The following SPTB variants were observed in gnomAD, a reference collection of about 807,000 sequenced individuals.
SPTB encodes the protein spectrin beta chain, erythrocytic.
A neutral mutation model predicts 256.2 loss-of-function variants in SPTB; 45 were observed. The observed-to-expected ratio is 0.18, with a 90% CI of 0.14 to 0.23. SPTB has a LOEUF of 0.23. SPTB is among the 10% of genes least tolerant of loss of function. The probability of loss-of-function intolerance (pLI) is 1.00; values close to 1 mark genes in which losing one functional copy is unlikely to be tolerated. For synonymous variants in SPTB, 1,231 were observed against 1,243.1 expected (o/e 0.99, Z 0.21); for missense variants, 2,715 against 3,040.4 (o/e 0.89, Z 2.52).
Position 64,785,655 on chromosome 14 carries a change from C to A in SPTB, c.3765-28G>T. On this transcript the variant is annotated intron_variant, in intron 17 of 35. Transcript: ENST00000644917. The surrounding 1 kb of genome is among the most constrained non-coding windows in gnomAD (Gnocchi z 4.4). ...GGAAAGGAAGCCAAAAGCACAGTCA[C>A]AATAGTGCCGAGCTTGGGGTCCTCA... 1 of 1,613,754 alleles carries A rather than the reference C, an allele frequency of 6.2e-7. No individual in the cohort carries two copies. The highest frequency in any genetic ancestry group is 8.5e-7 in the Non-Finnish European group (1 of 1,179,680).
In SPTB at chr14:64,749,826, A is replaced by G. The variant is rs2081916409; in HGVS notation, c.6777-130T>C. ...CTCTCAGGCAGCCCAGCACTTTCTG[A>G]GAGGTCAAAGTCTGGACCATCAGCC... On this transcript the variant is annotated intron_variant, in intron 34 of 35. Coordinates refer to ENST00000644917, the MANE Select transcript of SPTB (RefSeq NM_001355436.2). This position sits in a 1 kb window ranked among gnomAD's most constrained non-coding sequence, Gnocchi z 4.7. The G allele has an allele frequency of 1.3e-6, 2 of 1,483,216 alleles. No individual in the cohort carries two copies. Among genetic ancestry groups the G allele is most frequent in the Non-Finnish European group, 1.9e-6 (2 of 1,075,244 alleles). 91.9% of individuals were successfully genotyped at this position (1,483,216 alleles called of 1,614,324 possible).
In SPTB at chr14:64,785,915, G is replaced by A; in HGVS notation, c.3598C>T (p.Leu1200=). The change falls in exon 17 of 36, where the codon CTG becomes TTG. Residue 1200 remains leucine (L), a synonymous_variant. Transcript: ENST00000644917. This position sits in a 1 kb window ranked among gnomAD's most constrained non-coding sequence, Gnocchi z 4.4. ...TLAHLEPPDS[L]EAAEAGIRKF... ...CGGATCCCAGCCTCTGCAGCTTCCA[G>A]GGAGTCTGGGGGCTCCAAGTGAGCC... 1 of 1,614,112 alleles carries A rather than the reference G, an allele frequency of 6.2e-7. No individual in the cohort carries two copies. The highest frequency in any genetic ancestry group is 8.5e-7 in the Non-Finnish European group (1 of 1,180,010).
rs2083196272 is a variant in SPTB, at chr14:64,816,666, G to T, written c.148+6281C>A. 6.6e-6 allele frequency among the ~76,000 whole-genome samples: 1 copy of T among 152,208 alleles called. No individual in the cohort carries two copies. The highest frequency in any genetic ancestry group is 2.1e-4 in the South Asian group (1 of 4,830). Reference sequence around the variant, plus strand: ...GTTGATCTACTTTCCCAAGTCTGAAGGCCAAAGGGTTTGGAGGCAAAATGC... The same window carrying T: ...GTTGATCTACTTTCCCAAGTCTGAATGCCAAAGGGTTTGGAGGCAAAATGC... On this transcript the variant is annotated intron_variant, in intron 2 of 35. Transcript: ENST00000644917. The surrounding 1 kb of genome is among the most constrained non-coding windows in gnomAD (Gnocchi z 4.2).
rs1401922689 is a variant in SPTB, at chr14:64,807,217, T to C, written c.149-2127A>G. 6.6e-6 allele frequency among the ~76,000 whole-genome samples: 1 copy of C among 152,122 alleles called. No homozygotes were observed. Among genetic ancestry groups the C allele is most frequent in the Non-Finnish European group, 1.5e-5 (1 of 68,016 alleles). On this transcript the variant is annotated intron_variant, in intron 2 of 35. Transcript: ENST00000644917. This position sits in a 1 kb window ranked among gnomAD's most constrained non-coding sequence, Gnocchi z 4.7. The stretch of plus-strand genomic sequence containing the variant: ...GTGAAAGTTTTAGCCCCTTTAGAGG[T>C]AGGTGTCCCCCAAAGTGAAAGTATT...
intron 20 of SPTB, among the ~76,000 whole-genome samples, 176 bp downstream of exon 20, chr14:64,782,114 G>C (rs1382320730): frequency 6.6e-6 from 1 of 152,156 alleles, no homozygotes; most frequent in African/African-American, 2.4e-5. Context: ...ATTGGGTATT[G>C]AGCTTAAAAC....
chr14:64,762,701 C>T (rs1157370270), intron 32 of SPTB, among the ~76,000 whole-genome samples: 2 of 152,230 alleles, frequency 1.3e-5, no homozygotes, highest in African/African-American at 4.8e-5. Flanking sequence ...GAAGGCCACG[C>T]GGAAGAATGG....
At chr14:64,750,633 G>A (rs573937952) in intron 33 of SPTB, among the ~76,000 whole-genome samples, 27 of 151,870 alleles carry the variant, frequency 1.8e-4, no homozygotes, top group Non-Finnish European at 1.8e-4. Context: ...AAAATTAGCC[G>A]GGCTTGGTGG....
rs2082309362 is a variant in SPTB, at chr14:64,773,428, G to T, written c.4974-4C>A. On this transcript the variant is annotated splice_polypyrimidine_tract_variant and splice_region_variant and intron_variant, in intron 24 of 35. Coordinates refer to ENST00000644917, the MANE Select transcript of SPTB (RefSeq NM_001355436.2). ...CTGAAGTCTGATGATCTGTTCCCTG[G>T]AATTCAAAACCAAAAAGGCCCTCAG... 1 of 1,613,648 alleles carries T rather than the reference G, an allele frequency of 6.2e-7. No individual in the cohort carries two copies. Among genetic ancestry groups the T allele is most frequent in the African/African-American group, 1.3e-5 (1 of 75,050 alleles).
intron 26 of SPTB, 113 bp from the exon 27 acceptor site, chr14:64,771,242 T>C (rs948796664): frequency 3.6e-5 from 56 of 1,542,196 alleles, no homozygotes; most frequent in Non-Finnish European, 4.6e-5. Context: ...AGGGCACTGC[T>C]GGAAGGTAGG....
intron 1 of SPTB, among the ~76,000 whole-genome samples, chr14:64,871,227 C>T (rs922420882): frequency 2.0e-5 from 3 of 152,074 alleles, no homozygotes; most frequent in African/African-American, 2.4e-5. Context: ...TGGAGTGTTC[C>T]AGGACGAAGA....
At chr14:64,877,629 A>G (rs1328499611) in intron 1 of SPTB, among the ~76,000 whole-genome samples, 1 of 152,242 alleles carries the variant, frequency 6.6e-6, no homozygotes, top group Non-Finnish European at 1.5e-5. Context: ...CATTCATTCA[A>G]CAAAGGTTAA....
Position 64,792,948 on chromosome 14 carries a change from G to A in SPTB, c.2666+49C>T, listed in dbSNP as rs765948186. 2.5e-6 allele frequency: 4 copies of A among 1,612,458 alleles called. No individual in the cohort carries two copies. The Admixed American group carries it at 5.0e-5, about 20-fold the overall frequency. ...ATTACCAAACTAGGTGGGAGATGGT[G>A]CCCAGGCCTGGGTACAGGGACGTGA... On this transcript the variant is annotated intron_variant, in intron 14 of 35. Transcript: ENST00000644917. This position sits in a 1 kb window ranked among gnomAD's most constrained non-coding sequence, Gnocchi z 4.2.
rs1364021404 is a variant in SPTB at position 64,807,712 on chromosome 14, G to A, written c.149-2622C>T. Among the ~76,000 whole-genome samples the A allele has an allele frequency of 6.6e-6, 1 of 152,254 alleles. No homozygotes were observed. Among genetic ancestry groups the A allele is most frequent in the Admixed American group, 6.5e-5 (1 of 15,288 alleles). ...TGCTCAGCACATTCACTCCCGCACA[G>A]CCCAGATGCTCATCCCAAGCCTTCC... On this transcript the variant is annotated intron_variant, in intron 2 of 35. Transcript: ENST00000644917. The surrounding 1 kb of genome is among the most constrained non-coding windows in gnomAD (Gnocchi z 4.7).
At position 64,785,453 on chromosome 14, in the gene SPTB, T is replaced by TC; in HGVS notation, c.3855+83dup. On this transcript the variant is annotated intron_variant, in intron 18 of 35. Coordinates refer to ENST00000644917, the MANE Select transcript of SPTB (RefSeq NM_001355436.2). The surrounding 1 kb of genome is among the most constrained non-coding windows in gnomAD (Gnocchi z 4.4). ...CCCACAGCTCTTGAGCTAGAAAGGA[T>TC]CCCTGTGGACTTCCTGCCTTGAGGG... 1.6e-6 allele frequency: 2 copies of TC among 1,241,746 alleles called. No homozygotes were observed. Among genetic ancestry groups the TC allele is most frequent in the East Asian group, 5.0e-5 (2 of 40,250 alleles). The allele number at this position is 1,241,746 out of a possible 1,614,324, so 76.9% of individuals were successfully genotyped here. A position where few individuals can be genotyped will look rare whatever the true frequency, so the allele number is the denominator to read the frequency against.
intron 2 of SPTB, among the ~76,000 whole-genome samples, chr14:64,808,827 C>G (rs1476590826): frequency 1.3e-5 from 2 of 152,070 alleles, no homozygotes; most frequent in South Asian, 2.1e-4. Flanking sequence ...CACATATGGT[C>G]AATGCTCGAG....
rs1566729644 is a variant in SPTB, at chr14:64,749,477, C to CG, written c.6820-5dup. On this transcript the variant is annotated splice_polypyrimidine_tract_variant and splice_region_variant and intron_variant, in intron 35 of 35. Coordinates refer to ENST00000644917, the MANE Select transcript of SPTB (RefSeq NM_001355436.2). This position sits in a 1 kb window ranked among gnomAD's most constrained non-coding sequence, Gnocchi z 4.7. ...GCAGCCAGGACAGCATCTCCTCCTG[C>CG]GGGGCGGAGGGTCACGGTGGAGTCT... 6 of 1,599,318 alleles carry CG rather than the reference C, an allele frequency of 3.8e-6. No homozygotes were observed. The African/African-American group carries it at 5.3e-5, about 14-fold the overall frequency.
At chr14:64,834,403 C>G (rs1326279426) in intron 1 of SPTB, among the ~76,000 whole-genome samples, 1 of 151,236 alleles carries the variant, frequency 6.6e-6, no homozygotes, top group East Asian at 2.0e-4. Context: ...GCAACAGGGC[C>G]CAAACTCCTA....
chr14:64,793,255 T>C lies in SPTB; in HGVS notation c.2408A>G (p.Glu803Gly), dbSNP rs546740686. Residue 803 changes from glutamate (E) to glycine (G), a missense_variant, in exon 14 of 36, where the codon GAG becomes GGG. This residue lies in a region of SPTB where 2,239 missense variants were observed against 2,384.4 expected (regional missense o/e 0.94). Coordinates refer to ENST00000644917, the MANE Select transcript of SPTB (RefSeq NM_001355436.2). This position sits in a 1 kb window ranked among gnomAD's most constrained non-coding sequence, Gnocchi z 7.0. ...TTCGGGGAATCCCTGGGCCTGCTGCTCCAGGTGCTCCATCACCCCACGGCT... is the reference window on the plus strand; with the variant it reads ...TTCGGGGAATCCCTGGGCCTGCTGCCCCAGGTGCTCCATCACCCCACGGCT... ...EESRGVMEHL[E>G]QQAQGFPEEF... 1.9e-6 allele frequency: 3 copies of C among 1,607,650 alleles called. No homozygotes were observed. The South Asian group carries it at 3.3e-5, about 18-fold the overall frequency.
In SPTB at chr14:64,749,911, G is replaced by A. The variant is rs531002508; in HGVS notation, c.6776+70C>T. 3.1e-6 allele frequency: 5 copies of A among 1,601,350 alleles called. No homozygotes were observed. In the East Asian group the frequency reaches 6.7e-5, roughly 21 times the overall value. On this transcript the variant is annotated intron_variant, in intron 34 of 35. Coordinates refer to ENST00000644917, the MANE Select transcript of SPTB (RefSeq NM_001355436.2). The surrounding 1 kb of genome is among the most constrained non-coding windows in gnomAD (Gnocchi z 4.7). The stretch of plus-strand genomic sequence containing the variant: ...GGCCTGGCACTGGTCCCCTACAGAG[G>A]GCCTCTGCCCTGCCACTAATGCCAA...
Sources: gnomAD v4.1 joint callset for allele counts (sites outside exome capture counted in the v4.1 genomes callset) on GRCh38, gnomAD v4.1.1 for gene constraint, gnomAD v4.1.1 regional missense constraint, Gnocchi (gnomAD v3.1) non-coding constraint, MANE v1.5 for transcripts, NCBI Gene and HGNC (gene_info 2026-07-23, HGNC 2026-07-21) for gene names.